Variants in ITGA2B observed in about 807,000 individuals in gnomAD.
ITGA2B encodes integrin alpha-IIb.
In ITGA2B, 91 loss-of-function variants were observed where a neutral mutation model predicts 142.0. The ratio of observed to expected loss-of-function variants is 0.64; its 90% CI spans 0.54 to 0.76. ITGA2B has a LOEUF of 0.76. Ranked by LOEUF, ITGA2B falls within the 30% of genes least tolerant of loss-of-function variation. ITGA2B has a pLI of 0.00. For synonymous variants in ITGA2B, 536 were observed against 567.2 expected (o/e 0.94, Z 0.78); for missense variants, 1,231 against 1,350.8 (o/e 0.91, Z 1.39).
Position 44,380,312 on chromosome 17 carries a change from G to GT in ITGA2B, c.1545-12dup. On this transcript the variant is annotated splice_polypyrimidine_tract_variant and intron_variant, in intron 15 of 29. Coordinates refer to ENST00000262407, the MANE Select transcript of ITGA2B (RefSeq NM_000419.5). ...ATCTGGATGTTGAAGCTGCAAAGAC[G>GT]TAAGTGGGGCTCAGGGGTTGGAGCC... 1.2e-6 allele frequency: 2 copies of GT among 1,614,208 alleles called. No individual in the cohort carries two copies. Among genetic ancestry groups the GT allele is most frequent in the Non-Finnish European group, 1.7e-6 (2 of 1,180,042 alleles).
intron 18 of ITGA2B, among the ~76,000 whole-genome samples, chr17:44,378,999 G>A (rs570761287): frequency 2.0e-5 from 3 of 152,254 alleles, no homozygotes; most frequent in African/African-American, 7.2e-5. Flanking sequence ...AGGCTGGAGT[G>A]CAGTGGCACT....
chr17:44,386,756 A>C (rs1016082333), intron 1 of ITGA2B, among the ~76,000 whole-genome samples: 2 of 152,274 alleles, frequency 1.3e-5, no homozygotes, highest in Non-Finnish European at 2.9e-5. Flanking sequence ...AGCCAAATAC[A>C]TAACAAACGC....
In ITGA2B at chr17:44,386,102, G is replaced by A. The variant is rs1260273450; in HGVS notation, c.218C>T (p.Thr73Ile). Residue 73 changes from threonine to isoleucine, a missense_variant, in exon 2 of 30, where the codon ACC becomes ATC. This residue lies in a region of ITGA2B where 318 missense variants were observed against 312.2 expected (regional missense o/e 1.02). Transcript: ENST00000262407. The part of the protein sequence containing the change: ...RVAIVVGAPR[T>I]LGPSQEETGG... ...CGTCTCCTCCTGGCTGGGGCCCAGGGTCCGCGGGGCGCCCACCACGATGGC... is the reference window on the plus strand; with the variant it reads ...CGTCTCCTCCTGGCTGGGGCCCAGGATCCGCGGGGCGCCCACCACGATGGC... 1 of 1,606,084 alleles carries A rather than the reference G, an allele frequency of 6.2e-7. No individual in the cohort carries two copies. The highest frequency in any genetic ancestry group is 8.5e-7 in the Non-Finnish European group (1 of 1,178,156).
intron 1 of ITGA2B, 53 bp from the exon 2 acceptor site, chr17:44,386,184 C>T (rs2048648125): frequency 6.5e-7 from 1 of 1,544,344 alleles, no homozygotes; most frequent in Non-Finnish European, 8.7e-7. Flanking sequence ...ATCCCAGGCC[C>T]TGGCGCCGGC....
intron 18 of ITGA2B, among the ~76,000 whole-genome samples, chr17:44,379,149 T>C (rs1598378964): frequency 6.8e-6 from 1 of 147,542 alleles, no homozygotes; most frequent in African/African-American, 2.5e-5. Context: ...GTAGACGGGG[T>C]TTCACTGTGT....
intron 29 of ITGA2B, 62 bp downstream of exon 29, chr17:44,374,292 G>A: frequency 1.4e-6 from 2 of 1,460,580 alleles, no homozygotes; most frequent in South Asian, 2.3e-5. Context: ...TTGACTCCCT[G>A]TGAGGCAGGG....
In ITGA2B at chr17:44,381,038, C is replaced by A. The variant is rs780786843; in HGVS notation, c.1234G>T (p.Gly412Trp). 3.7e-6 allele frequency: 6 copies of A among 1,613,272 alleles called. No individual in the cohort carries two copies. The highest frequency in any genetic ancestry group is 1.3e-5 in the African/African-American group (1 of 74,918). ...YNDIAVAAPY[G>W]GPSGRGQVLV... ...ACTTGGCCCCGGCCACTGGGACCCCCGTAGGGGGCAGCCACTGCAATGTCT... is the reference window on the plus strand; with the variant it reads ...ACTTGGCCCCGGCCACTGGGACCCCAGTAGGGGGCAGCCACTGCAATGTCT... The change falls in exon 13 of 30, where the codon GGG becomes TGG. Residue 412 changes from glycine (G) to tryptophan (W), a missense_variant. Gly to Trp is a radical substitution (Grantham distance 184). This residue lies in a region of ITGA2B where 908 missense variants were observed against 1,021.1 expected (regional missense o/e 0.89). Transcript: ENST00000262407.
Position 44,375,130 on chromosome 17 carries a change from A to G in ITGA2B, c.2728-19T>C, listed in dbSNP as rs1350341374. ...CGCAGCTCTGAGGGGAAGCATCGTC[A>G]GTCCCCAGCCCGTCCCGGCCCATCA... On this transcript the variant is annotated intron_variant, in intron 26 of 29. Coordinates refer to ENST00000262407, the MANE Select transcript of ITGA2B (RefSeq NM_000419.5). 1.1e-5 allele frequency: 17 copies of G among 1,540,396 alleles called. No homozygotes were observed. Among genetic ancestry groups the G allele is most frequent in the Non-Finnish European group, 1.5e-5 (17 of 1,139,460 alleles).
In ITGA2B at chr17:44,389,258, C is replaced by T. The variant is rs201363996; in HGVS notation, c.188+28G>A. On this transcript the variant is annotated intron_variant, in intron 1 of 29. Transcript: ENST00000262407. ...GATGGGGAGGGGTCCTGCTCTCTCC[C>T]AATACCCCAACTTCCCTTACGGCTC... is the stretch of plus-strand genomic sequence containing the variant. The T allele has an allele frequency of 4.0e-5, 64 of 1,613,534 alleles. No individual in the cohort carries two copies. In the East Asian group the frequency reaches 6.7e-4, roughly 17 times the overall value.
At chr17:44,384,162 G>A (rs1567904611) in intron 9 of ITGA2B, 24 bp from the exon 10 acceptor site, 1 of 1,611,954 alleles carries the variant, frequency 6.2e-7, no homozygotes, top group Admixed American at 1.7e-5. Context: ...GCAGGCGAGA[G>A]CATCATTCTT....
chr17:44,382,502 TTCTC>T (rs1187146065), intron 12 of ITGA2B, among the ~76,000 whole-genome samples: 3 of 151,960 alleles, frequency 2.0e-5, no homozygotes, highest in African/African-American at 7.2e-5. Flanking sequence ...CTTCCTTTCT[TTCTC>T]TATTTTTTTT....
intron 12 of ITGA2B, among the ~76,000 whole-genome samples, 200 bp downstream of exon 12, chr17:44,383,293 C>T (rs957314467): frequency 2.6e-5 from 4 of 152,220 alleles, no homozygotes; most frequent in Non-Finnish European, 4.4e-5. Flanking sequence ...TGGTCATTGT[C>T]TCTTGCTTGG....
chr17:44,374,278 C>T (rs1304362291), intron 29 of ITGA2B, 76 bp downstream of exon 29: 7 of 1,326,916 alleles, frequency 5.3e-6, no homozygotes, highest in Admixed American at 1.7e-5. Flanking sequence ...GCCACCATCT[C>T]TCCTTGACTC....
chr17:44,385,256 G>A (rs372833389), intron 5 of ITGA2B, 30 bp downstream of exon 5: 4 of 1,613,560 alleles, frequency 2.5e-6, no homozygotes, highest in East Asian at 2.2e-5. Context: ...TTTGGGAGCC[G>A]CCCCCACTGC....
In ITGA2B at chr17:44,379,799, G is replaced by A. The variant is rs373204738; in HGVS notation, c.1768C>T (p.Arg590Trp). Residue 590 changes from arginine (R) to tryptophan (W), a missense_variant, in exon 18 of 30, where the codon CGG becomes TGG. Arg to Trp is a moderately radical substitution (Grantham distance 101). Around this residue, in one of 3 missense-constraint regions of ITGA2B, gnomAD observed 908 missense variants for 1,021.1 expected, o/e 0.89. Transcript: ENST00000262407. ...MAFLRDEADFRDKLSPIVLSL... is the reference protein window; with the variant it reads ...MAFLRDEADFWDKLSPIVLSL... ...AGCACAATGGGGCTCAGCTTGTCCCGGAAGTCTGCCTCATCCTAGGACAGG... is the reference window on the plus strand; with the variant it reads ...AGCACAATGGGGCTCAGCTTGTCCCAGAAGTCTGCCTCATCCTAGGACAGG... 6.8e-6 allele frequency: 11 copies of A among 1,613,692 alleles called. No individual in the cohort carries two copies. The highest frequency in any genetic ancestry group is 4.0e-5 in the African/African-American group (3 of 74,856).
rs1380711193 is a variant in ITGA2B at position 44,385,727 on chromosome 17, G to C, written c.409-11C>G. 1 of 1,613,434 alleles carries C rather than the reference G, an allele frequency of 6.2e-7. No homozygotes were observed. Among genetic ancestry groups the C allele is most frequent in the African/African-American group, 1.3e-5 (1 of 74,938 alleles). On this transcript the variant is annotated splice_polypyrimidine_tract_variant and intron_variant, in intron 3 of 29. Coordinates refer to ENST00000262407, the MANE Select transcript of ITGA2B (RefSeq NM_000419.5). ...CCAGGGGGCGCAGGCCTGGAGAAAG[G>C]CCACAGGAGTGGGGACGGGCGCGAG...
At chr17:44,375,179 C>T (rs943833152) in intron 26 of ITGA2B, 68 bp from the exon 27 acceptor site, 51 of 1,329,204 alleles carry the variant, frequency 3.8e-5, no homozygotes, top group Middle Eastern at 3.9e-4. Flanking sequence ...CACCCCCTTA[C>T]CCCCAGGACC....
intron 27 of ITGA2B, 22 bp downstream of exon 27, chr17:44,374,976 G>GCCC: frequency 1.8e-6 from 1 of 549,344 alleles, no homozygotes; most frequent in Non-Finnish European, 2.8e-6. Context: ...GCCCGGCCCC[G>GCCC]CCCCACCACG....
chr17:44,376,905 G>A (rs1026477952), intron 22 of ITGA2B, 104 bp downstream of exon 22: 57 of 882,548 alleles, frequency 6.5e-5, no homozygotes, highest in Admixed American at 1.2e-4. Flanking sequence ...GAGCCACTGC[G>A]CCTGGCCTCG....
Sources: gnomAD v4.1 joint callset for allele counts (sites outside exome capture counted in the v4.1 genomes callset) on GRCh38, gnomAD v4.1.1 for gene constraint, gnomAD v4.1.1 regional missense constraint, MANE v1.5 for transcripts, NCBI Gene and HGNC (gene_info 2026-07-23, HGNC 2026-07-21) for gene names.